The following PRRC2B variants were observed in gnomAD, a reference collection of about 807,000 sequenced individuals.
The protein encoded by PRRC2B is proline rich coiled-coil 2B, also known as protein PRRC2B.
Under a neutral mutation model 242.3 loss-of-function variants are expected in PRRC2B, and 68 were observed. The observed-to-expected ratio is 0.28, with a 90% CI of 0.23 to 0.34. PRRC2B has a LOEUF of 0.34. Among genes scored for constraint, PRRC2B ranks in the 10% least tolerant of loss-of-function variants. The pLI, the probability that PRRC2B is intolerant of heterozygous loss-of-function variation, is 1.00. For missense variants in PRRC2B, 2,835 were observed against 2,954.8 expected, an observed-to-expected ratio of 0.96 and a Z score of 0.94; for synonymous variants, 1,228 against 1,173.6, an observed-to-expected ratio of 1.05 and a Z score of -0.95.
Position 131,430,218 on chromosome 9 carries a change from A to G in PRRC2B, c.74A>G (p.Asp25Gly), listed in dbSNP as rs371548143. The change falls in exon 2 of 32, where the codon GAT becomes GGT. Residue 25 changes from aspartate to glycine, a missense_variant. This residue lies in a region of PRRC2B where 626 missense variants were observed against 685.5 expected (regional missense o/e 0.91). Coordinates refer to ENST00000683519, the MANE Select transcript of PRRC2B (RefSeq NM_013318.4). ...KSKYSTLSLF[D>G]KYKGKSVDAI... ...AAGTACTCGACTCTCAGCCTGTTTG[A>G]TAAGTATAAAGGAAAATCAGTAGAC... is the stretch of plus-strand genomic sequence containing the variant. The G allele has an allele frequency of 6.2e-7, 1 of 1,606,314 alleles. No homozygotes were observed. The highest frequency in any genetic ancestry group is 1.1e-5 in the South Asian group (1 of 89,260).
At chr9:131,438,517 G>A (rs552543078) in intron 4 of PRRC2B, among the ~76,000 whole-genome samples, 4 of 152,294 alleles carry the variant, frequency 2.6e-5, no homozygotes, top group African/African-American at 9.6e-5. Flanking sequence ...GCTGCAGCCA[G>A]CCCACCCAGA....
At chr9:131,488,452 G>A (rs575074969) in intron 28 of PRRC2B, among the ~76,000 whole-genome samples, 4 of 152,162 alleles carry the variant, frequency 2.6e-5, no homozygotes, top group African/African-American at 9.6e-5. Context: ...GTAGAGATGG[G>A]GTTTCACCAT....
intron 1 of PRRC2B, among the ~76,000 whole-genome samples, chr9:131,429,020 A>G (rs1259393903): frequency 1.3e-5 from 2 of 152,012 alleles, no homozygotes; most frequent in Non-Finnish European, 1.5e-5. Flanking sequence ...CAGTGGTGCA[A>G]TCTTGACTCA....
rs772910982 is a variant in PRRC2B at position 131,487,905 on chromosome 9, C to G, written c.6034C>G (p.Leu2012Val). ...CCTGTCACCGCCCAGCACCATGATCCTCTCTGGGGGCACAGCCTTGAAGCC... is the reference window on the plus strand; with the variant it reads ...CCTGTCACCGCCCAGCACCATGATCGTCTCTGGGGGCACAGCCTTGAAGCC... Reference protein sequence around the residue: ...PSLSPPSTMILSGGTALKPPY... With the variant: ...PSLSPPSTMIVSGGTALKPPY... Residue 2012 changes from leucine to valine, a missense_variant, in exon 28 of 32, where the codon CTC (leucine) becomes GTC (valine). Physicochemically the swap from Leu to Val is conservative, Grantham distance 32. Coordinates refer to ENST00000683519, the MANE Select transcript of PRRC2B (RefSeq NM_013318.4). The surrounding 1 kb of genome is among the most constrained non-coding windows in gnomAD (Gnocchi z 5.3). 5.0e-6 allele frequency: 8 copies of G among 1,613,694 alleles called. No homozygotes were observed. The East Asian group carries it at 1.3e-4, about 27-fold the overall frequency.
In PRRC2B at chr9:131,497,790, T is replaced by G. The variant is rs1158201129; in HGVS notation, c.*1916T>G. 1 of 152,296 alleles carries G rather than the reference T, an allele frequency of 6.6e-6. No individual in the cohort carries two copies. Among genetic ancestry groups the G allele is most frequent in the Non-Finnish European group, 1.5e-5 (1 of 68,132 alleles). 9.4% of individuals were successfully genotyped at this position (152,296 alleles called of 1,614,324 possible). The stretch of plus-strand genomic sequence containing the variant: ...CCTCTTTATCCCAAGCCTTTATGCT[T>G]GAGTCCCTTCCCCAGGGGCTGCCCA... On this transcript the variant is annotated 3_prime_UTR_variant, in exon 32 of 32. Transcript: ENST00000683519.
intron 1 of PRRC2B, among the ~76,000 whole-genome samples, chr9:131,427,913 T>G (rs1019250073): frequency 1.2e-4 from 18 of 152,182 alleles, no homozygotes; most frequent in Non-Finnish European, 2.1e-4. Context: ...AGTGTTTTAT[T>G]TTTTTGTTGT....
Position 131,476,553 on chromosome 9 carries a change from C to A in PRRC2B, c.4406+18C>A, listed in dbSNP as rs187874933. On this transcript the variant is annotated intron_variant, in intron 16 of 31. Coordinates refer to ENST00000683519, the MANE Select transcript of PRRC2B (RefSeq NM_013318.4). ...GTGAAAAGGTAAAACCAGACACCAT[C>A]TGGGCCCTTTTTGTTGTTGTGTTCT... 6.4e-7 allele frequency: 1 copy of A among 1,556,012 alleles called. No homozygotes were observed. The highest frequency in any genetic ancestry group is 1.4e-5 in the African/African-American group (1 of 73,070).
At chr9:131,444,366 CAG>C (rs1258698077) in intron 6 of PRRC2B, 38 bp downstream of exon 6, 1 of 1,594,898 alleles carries the variant, frequency 6.3e-7, no homozygotes, top group African/African-American at 1.3e-5. Context: ...GATGGAGTAA[CAG>C]AACTTCCTCC....
intron 10 of PRRC2B, among the ~76,000 whole-genome samples, chr9:131,458,717 G>C (rs1042862280): frequency 1.3e-5 from 2 of 152,146 alleles, no homozygotes; most frequent in Non-Finnish European, 2.9e-5. Flanking sequence ...TGGCCTGGCT[G>C]ATCTGGAACT....
chr9:131,455,054 C>G lies in PRRC2B; in HGVS notation c.1121-22C>G, dbSNP rs1418793312. On this transcript the variant is annotated intron_variant, in intron 9 of 31. Transcript: ENST00000683519. ...ACTTTTTCATTCTTTCTCATTCTTCCTGGGCCCTCCTGCTGTTGTAGGCCT... is the reference window on the plus strand; with the variant it reads ...ACTTTTTCATTCTTTCTCATTCTTCGTGGGCCCTCCTGCTGTTGTAGGCCT... 3 of 1,587,418 alleles carry G rather than the reference C, an allele frequency of 1.9e-6. No individual in the cohort carries two copies. The Admixed American group carries it at 5.1e-5, about 27-fold the overall frequency.
At chr9:131,399,328 C>G (rs2131280876) in intron 1 of PRRC2B, among the ~76,000 whole-genome samples, 1 of 149,720 alleles carries the variant, frequency 6.7e-6, no homozygotes, top group Admixed American at 6.7e-5. Flanking sequence ...ACCTATAATC[C>G]CAGCATTTTG....
At chr9:131,462,154 A>G (rs1021882173) in intron 11 of PRRC2B, among the ~76,000 whole-genome samples, 3 of 152,154 alleles carry the variant, frequency 2.0e-5, no homozygotes, top group African/African-American at 7.2e-5. Context: ...CTGAACATCA[A>G]CAGTGATGAA....
intron 25 of PRRC2B, among the ~76,000 whole-genome samples, chr9:131,485,489 T>TA (rs1943994568): frequency 1.3e-5 from 2 of 152,192 alleles, no homozygotes; most frequent in South Asian, 4.1e-4. Flanking sequence ...TCTCCTCTCT[T>TA]ACATGAAACT....
intron 11 of PRRC2B, among the ~76,000 whole-genome samples, chr9:131,463,490 T>C (rs541669999): frequency 6.6e-5 from 10 of 152,264 alleles, no homozygotes; most frequent in African/African-American, 2.4e-4. Flanking sequence ...AGGTGACAGC[T>C]GTCCATCATT....
intron 1 of PRRC2B, among the ~76,000 whole-genome samples, chr9:131,409,466 G>A (rs1265452550): frequency 6.6e-6 from 1 of 152,260 alleles, no homozygotes; most frequent in African/African-American, 2.4e-5. Context: ...TTATAGGTGT[G>A]AGCCACTGCT....
rs1420259849 is a variant in PRRC2B, at chr9:131,484,718, G to A, written c.5493G>A (p.Arg1831=). 3 of 1,612,624 alleles carry A rather than the reference G, an allele frequency of 1.9e-6. No individual in the cohort carries two copies. Among genetic ancestry groups the A allele is most frequent in the Non-Finnish European group, 1.7e-6 (2 of 1,179,234 alleles). ...AGLTQSIPIL[R]RDHHIQRAIG... ...TAACACAGAGTATCCCCATCCTGCG[G>A]CGGGACCATCACATCCAGAGGGCCA... The change falls in exon 24 of 32, where the codon CGG becomes CGA. Residue 1831 remains arginine (R), a synonymous_variant. Coordinates refer to ENST00000683519, the MANE Select transcript of PRRC2B (RefSeq NM_013318.4).
At chr9:131,448,848 C>G (rs1470787143) in intron 9 of PRRC2B, among the ~76,000 whole-genome samples, 1 of 151,966 alleles carries the variant, frequency 6.6e-6, no homozygotes, top group African/African-American at 2.4e-5. Flanking sequence ...TCACATTTTA[C>G]CTGTACAGTT....
rs1943968014 is a variant in PRRC2B at position 131,484,733 on chromosome 9, C to T, written c.5508C>T (p.Ile1836=). The T allele has an allele frequency of 3.1e-6, 5 of 1,612,922 alleles. No individual in the cohort carries two copies. Among genetic ancestry groups the T allele is most frequent in the African/African-American group, 1.3e-5 (1 of 74,860 alleles). ...CCATCCTGCGGCGGGACCATCACAT[C>T]CAGAGGGCCATCGGTCTCTCCCCAA... The part of the protein sequence containing the change: ...SIPILRRDHH[I]QRAIGLSPMS... Residue 1836 remains isoleucine, a synonymous_variant, in exon 24 of 32, where the codon ATC becomes ATT. Transcript: ENST00000683519.
At chr9:131,477,477 C>A (rs370728964) in intron 16 of PRRC2B, among the ~76,000 whole-genome samples, 1 of 152,188 alleles carries the variant, frequency 6.6e-6, no homozygotes, top group Non-Finnish European at 1.5e-5. Context: ...TCTCTCTCCC[C>A]CCTACACTCT....
Sources: gnomAD v4.1 joint callset for allele counts (sites outside exome capture counted in the v4.1 genomes callset) on GRCh38, gnomAD v4.1.1 for gene constraint, gnomAD v4.1.1 regional missense constraint, Gnocchi (gnomAD v3.1) non-coding constraint, MANE v1.5 for transcripts, NCBI Gene and HGNC (gene_info 2026-07-23, HGNC 2026-07-21) for gene names.